Variants in GALNT9 observed in about 807,000 individuals in gnomAD.
GALNT9 encodes GalNAc transferase 9.
In GALNT9, 47 loss-of-function variants were observed where a neutral mutation model predicts 63.1. The ratio of observed to expected loss-of-function variants is 0.75; its 90% CI spans 0.59 to 0.95. The LOEUF (loss-of-function observed/expected upper bound fraction) is 0.95, where lower values mean the gene tolerates loss of function less well. GALNT9 is among the 40% of genes least tolerant of loss of function. GALNT9 has a pLI of 0.00. For missense variants in GALNT9, 829 were observed against 874.8 expected (o/e 0.95, Z 0.66); for synonymous variants, 396 against 365.7 (o/e 1.08, Z -0.94).
chr12:132,225,866 A>G (rs1481639869), intron 6 of GALNT9, among the ~76,000 whole-genome samples: 2 of 142,776 alleles, frequency 1.4e-5, no homozygotes, highest in South Asian at 2.3e-4. Context: ...CACTGTGTAT[A>G]CACACCCCCC....
intron 5 of GALNT9, among the ~76,000 whole-genome samples, chr12:132,250,285 C>T (rs1362276198): frequency 3.6e-5 from 5 of 137,020 alleles, no homozygotes; most frequent in African/African-American, 1.3e-4. Context: ...GGGGCTGGGG[C>T]GGGGGGAACG....
intron 1 of GALNT9, among the ~76,000 whole-genome samples, chr12:132,294,035 A>G (rs1880959800): frequency 6.6e-6 from 1 of 152,270 alleles, no homozygotes; most frequent in Non-Finnish European, 1.5e-5. Context: ...TGGGGATTAC[A>G]GATGAATTTT....
At chr12:132,211,123 C>T (rs1323678886) in intron 6 of GALNT9, among the ~76,000 whole-genome samples, 4 of 152,142 alleles carry the variant, frequency 2.6e-5, no homozygotes, top group African/African-American at 9.7e-5. Context: ...ACGAATTGGG[C>T]TGCAAAGTTT....
rs972467736 is a variant in GALNT9 at position 132,316,654 on chromosome 12, C to T, written c.238+12312G>A. Among the ~76,000 whole-genome samples the T allele has an allele frequency of 4.6e-5, 7 of 152,122 alleles. No individual in the cohort carries two copies. The highest frequency in any genetic ancestry group is 4.6e-4 in the Admixed American group (7 of 15,284). ...CTCTTTCCTCCGCTTCAGCAAATTC[C>T]CCCGTGCTCTGTGTAGTCCCTCAGC... On this transcript the variant is annotated intron_variant, in intron 1 of 10. Coordinates refer to ENST00000328957, the MANE Select transcript of GALNT9 (RefSeq NM_001122636.2). This position sits in a 1 kb window ranked among gnomAD's most constrained non-coding sequence, Gnocchi z 4.3.
intron 1 of GALNT9, among the ~76,000 whole-genome samples, chr12:132,317,850 G>A (rs1233955622): frequency 4.6e-5 from 7 of 152,302 alleles, no homozygotes; most frequent in Admixed American, 1.3e-4. Context: ...GAAGATCCAC[G>A]GTCGACCTGG....
At chr12:132,295,977 G>A (rs561353767) in intron 1 of GALNT9, among the ~76,000 whole-genome samples, 1 of 150,312 alleles carries the variant, frequency 6.7e-6, no homozygotes, top group East Asian at 2.0e-4. Context: ...AACAGGGAGA[G>A]CCTCCAAACA....
Position 132,310,447 on chromosome 12 carries a change from G to T in GALNT9, c.238+18519C>A, listed in dbSNP as rs764014622. ...ACCCAACAGCCCCACCCAGAAGGAC[G>T]GGGCCGGCCATCTCCTGGAGGCTGA... On this transcript the variant is annotated intron_variant, in intron 1 of 10. Transcript: ENST00000328957. The surrounding 1 kb of genome is among the most constrained non-coding windows in gnomAD (Gnocchi z 4.8). Among the ~76,000 whole-genome samples the T allele has an allele frequency of 6.6e-6, 1 of 152,174 alleles. No homozygotes were observed. Among genetic ancestry groups the T allele is most frequent in the Non-Finnish European group, 1.5e-5 (1 of 68,030 alleles).
In GALNT9 at chr12:132,315,692, A is replaced by G. The variant is rs1868479002; in HGVS notation, c.238+13274T>C. ...CACCAGTTCGGATCCCAGTTCTGCC[A>G]TTACCAGGCTGCGCATCCACACTCA... On this transcript the variant is annotated intron_variant, in intron 1 of 10. Transcript: ENST00000328957. This position sits in a 1 kb window ranked among gnomAD's most constrained non-coding sequence, Gnocchi z 6.1. 6.6e-6 allele frequency among the ~76,000 whole-genome samples: 1 copy of G among 152,174 alleles called. No individual in the cohort carries two copies. The highest frequency in any genetic ancestry group is 6.5e-5 in the Admixed American group (1 of 15,276).
At chr12:132,288,570 G>A (rs935373434) in intron 1 of GALNT9, among the ~76,000 whole-genome samples, 5 of 152,284 alleles carry the variant, frequency 3.3e-5, no homozygotes, top group Non-Finnish European at 5.9e-5. Context: ...GGTGGGGATT[G>A]GCCGCCTGGC....
intron 6 of GALNT9, among the ~76,000 whole-genome samples, chr12:132,220,681 A>T (rs971736749): frequency 3.3e-5 from 5 of 152,196 alleles, no homozygotes; most frequent in African/African-American, 1.2e-4. Flanking sequence ...AGACATCGGC[A>T]ACCCTGAGGG....
At chr12:132,291,594 ATCCACACCACCCACC>A (rs1880851653) in intron 1 of GALNT9, among the ~76,000 whole-genome samples, 1 of 135,798 alleles carries the variant, frequency 7.4e-6, no homozygotes, top group Admixed American at 7.3e-5. Context: ...CACCGCCCAC[ATCCACACCACCCACC>A]TCCACAGCAC....
intron 3 of GALNT9, among the ~76,000 whole-genome samples, chr12:132,261,350 CCAGACAGA>C (rs150349499): frequency 9.1e-4 from 138 of 152,256 alleles, no homozygotes; most frequent in Non-Finnish European, 1.6e-3. Flanking sequence ...AGGAAACACA[CCAGACAGA>C]CAGACAGACA....
chr12:132,236,176 G>A lies in GALNT9; in HGVS notation c.1077+11734C>T, dbSNP rs2136894461. On this transcript the variant is annotated intron_variant, in intron 6 of 10. Coordinates refer to ENST00000328957, the MANE Select transcript of GALNT9 (RefSeq NM_001122636.2). This position sits in a 1 kb window ranked among gnomAD's most constrained non-coding sequence, Gnocchi z 5.6. ...CCTGGGCTGGAGTTCAAGGTCAGAC[G>A]GGCCTTTCAAATACAAGCAAATGCC... is the stretch of plus-strand genomic sequence containing the variant. Among the ~76,000 whole-genome samples the A allele has an allele frequency of 3.9e-5, 6 of 152,212 alleles. No homozygotes were observed. Among genetic ancestry groups the A allele is most frequent in the South Asian group, 2.1e-4 (1 of 4,828 alleles).
chr12:132,198,006 T>A, intron 9 of GALNT9, 47 bp from the exon 10 acceptor site: 1 of 1,504,240 alleles, frequency 6.6e-7, no homozygotes, highest in Non-Finnish European at 9.2e-7. Flanking sequence ...GCCCAGGCTC[T>A]CCCCAGTGAG....
At chr12:132,214,618 CCT>C (rs1877107997) in intron 6 of GALNT9, among the ~76,000 whole-genome samples, 1 of 152,266 alleles carries the variant, frequency 6.6e-6, no homozygotes, top group Non-Finnish European at 1.5e-5. Context: ...GCCCCCCAGG[CCT>C]GCTCACCCGG....
chr12:132,323,448 G>A (rs1357590814), intron 1 of GALNT9, among the ~76,000 whole-genome samples: 2 of 152,244 alleles, frequency 1.3e-5, no homozygotes, highest in Non-Finnish European at 2.9e-5. Context: ...ACTCAAAGGG[G>A]CAGGTCTGCA....
rs546580871 is a variant in GALNT9, at chr12:132,321,091, C to T, written c.238+7875G>A. Among the ~76,000 whole-genome samples the T allele has an allele frequency of 1.6e-3, 244 of 152,288 alleles. 1 individual carries two copies. Among genetic ancestry groups the T allele is most frequent in the African/African-American group, 5.4e-3 (226 of 41,558 alleles). ...TGGCAGTGGGTGGAGCCAAACGCTG[C>T]TCAACATCCACAACCCACCCAGGGG... is the stretch of plus-strand genomic sequence containing the variant. On this transcript the variant is annotated intron_variant, in intron 1 of 10. Coordinates refer to ENST00000328957, the MANE Select transcript of GALNT9 (RefSeq NM_001122636.2).
At chr12:132,228,477 CG>C (rs1846816511) in intron 6 of GALNT9, among the ~76,000 whole-genome samples, 1 of 149,184 alleles carries the variant, frequency 6.7e-6, no homozygotes, top group Non-Finnish European at 1.5e-5. Context: ...CAAGACAGGG[CG>C]GCCAGTCAGC....
chr12:132,240,853 C>G (rs1344932464), intron 6 of GALNT9: 1 of 387,498 alleles, frequency 2.6e-6, no homozygotes, highest in South Asian at 1.9e-5. Context: ...ACACACCACA[C>G]CCCCTTCCCA....
Sources: allele counts gnomAD v4.1 joint callset (sites outside exome capture counted in the v4.1 genomes callset), GRCh38; gene constraint gnomAD v4.1.1; non-coding constraint Gnocchi (gnomAD v3.1); transcripts MANE v1.5; gene names NCBI Gene and HGNC (gene_info 2026-07-23, HGNC 2026-07-21).